Variants in ROBO2 observed in about 807,000 individuals in gnomAD.
ROBO2 encodes roundabout guidance receptor 2, also known as roundabout homolog 2.
In ROBO2, 53 loss-of-function variants were observed where a neutral mutation model predicts 160.8. The observed-to-expected ratio is 0.33, with a 90% confidence interval of 0.26 to 0.41. The LOEUF (loss-of-function observed/expected upper bound fraction) is 0.41. ROBO2 is among the 10% of genes least tolerant of loss of function. ROBO2 has a pLI of 1.00. For synonymous variants in ROBO2, 664 were observed against 611.7 expected (o/e 1.09, Z -1.26); for missense variants, 1,577 against 1,722.4 (o/e 0.92, Z 1.49).
At chr3:76,679,783 A>T (rs766548243) in intron 2 of ROBO2, among the ~76,000 whole-genome samples, 68 of 152,198 alleles carry the variant, frequency 4.5e-4, no homozygotes, top group Non-Finnish European at 1.6e-4. Context: ...CTTGTGCCTT[A>T]CAAAATTAGC....
rs114495059 is a variant in ROBO2, at chr3:77,149,735, A to G, written c.388+51395A>G. ...TAGATGATTGACTTGGTTCCATTCA[A>G]TCTTGTCCCAGATGTGATCTCTATT... On this transcript the variant is annotated intron_variant, in intron 2 of 25. Coordinates refer to ENST00000461745, the Ensembl canonical transcript of ROBO2. Among the ~76,000 whole-genome samples, 583 of 152,010 alleles carry G rather than the reference A, an allele frequency of 3.8e-3. 1 individual carries two copies. The highest frequency in any genetic ancestry group is 9.2e-3 in the Admixed American group (141 of 15,278).
At chr3:77,546,687 G>A (rs764428149) in intron 7 of ROBO2, among the ~76,000 whole-genome samples, 2 of 152,098 alleles carry the variant, frequency 1.3e-5, no homozygotes, top group Non-Finnish European at 2.9e-5. Flanking sequence ...ACATAGAACA[G>A]CAATAAAGCA....
chr3:77,495,615 G>A (rs576441552), intron 5 of ROBO2, among the ~76,000 whole-genome samples: 4 of 152,236 alleles, frequency 2.6e-5, no homozygotes, highest in Non-Finnish European at 5.9e-5. Context: ...GAAGGGAAGT[G>A]CTGGCCAGGT....
intron 2 of ROBO2, among the ~76,000 whole-genome samples, chr3:76,833,754 T>C (rs1576925747): frequency 1.3e-5 from 2 of 152,232 alleles, no homozygotes; most frequent in East Asian, 3.9e-4. Flanking sequence ...TCCTCCTTCC[T>C]CCCTTTACAC....
intron 2 of ROBO2, among the ~76,000 whole-genome samples, chr3:77,312,356 G>T (rs552489181): frequency 1.3e-5 from 2 of 152,148 alleles, no homozygotes; most frequent in East Asian, 3.9e-4. Context: ...ATATATTGTT[G>T]GCAAATGATG....
chr3:76,360,947 G>A (rs1444260478), intron 2 of ROBO2, among the ~76,000 whole-genome samples: 2 of 151,680 alleles, frequency 1.3e-5, no homozygotes, highest in Admixed American at 6.6e-5. Context: ...CCCATATCAG[G>A]TCTTACCTAT....
At chr3:77,451,653 G>C (rs1426381739) in intron 2 of ROBO2, among the ~76,000 whole-genome samples, 1 of 151,992 alleles carries the variant, frequency 6.6e-6, no homozygotes, top group Non-Finnish European at 1.5e-5. Flanking sequence ...AATGTGCAAA[G>C]TCTAGTTCAT....
chr3:76,025,655 T>G (rs2066717971), intron 2 of ROBO2, among the ~76,000 whole-genome samples: 1 of 151,716 alleles, frequency 6.6e-6, no homozygotes, highest in Admixed American at 6.6e-5. Context: ...ATGGAATTAG[T>G]AGTTGTTGGA....
At chr3:76,736,260 C>G (rs1241624953) in intron 2 of ROBO2, among the ~76,000 whole-genome samples, 4 of 64,782 alleles carry the variant, frequency 6.2e-5, no homozygotes, top group East Asian at 3.8e-4. Flanking sequence ...CCAGCCTGGG[C>G]GACAGAGCGA....
intron 2 of ROBO2, among the ~76,000 whole-genome samples, chr3:76,404,167 G>T (rs949172526): frequency 9.9e-5 from 15 of 151,528 alleles, no homozygotes; most frequent in African/African-American, 3.6e-4. Flanking sequence ...ACATCAACTG[G>T]GTTGGGAGAA....
chr3:76,091,009 T>C (rs537229487), intron 2 of ROBO2, among the ~76,000 whole-genome samples: 2 of 152,282 alleles, frequency 1.3e-5, no homozygotes, highest in South Asian at 2.1e-4. Flanking sequence ...TCCTAGAAGA[T>C]AGCATAGGAG....
At chr3:77,345,987 G>A (rs374706619) in intron 2 of ROBO2, among the ~76,000 whole-genome samples, 9 of 152,166 alleles carry the variant, frequency 5.9e-5, no homozygotes, top group South Asian at 2.1e-4. Flanking sequence ...TTCTTTGGCC[G>A]TCATACACTA....
At chr3:77,447,726 C>T (rs566868161) in intron 2 of ROBO2, among the ~76,000 whole-genome samples, 5 of 152,026 alleles carry the variant, frequency 3.3e-5, no homozygotes, top group Non-Finnish European at 2.9e-5. Flanking sequence ...TCTGCTGGTT[C>T]CCAAATCAAC....
At chr3:77,480,999 C>T (rs575830317) in intron 3 of ROBO2, 100 bp from the exon 4 acceptor site, 1 of 1,096,198 alleles carries the variant, frequency 9.1e-7, no homozygotes, top group African/African-American at 1.6e-5. Flanking sequence ...CTTTGGGAAA[C>T]AAATATGCTC....
intron 2 of ROBO2, among the ~76,000 whole-genome samples, chr3:76,593,637 T>G (rs1296182899): frequency 6.6e-6 from 1 of 152,084 alleles, no homozygotes; most frequent in Non-Finnish European, 1.5e-5. Flanking sequence ...TTTAGATATT[T>G]TGATGAATGA....
intron 2 of ROBO2, among the ~76,000 whole-genome samples, chr3:77,330,395 G>A (rs939976168): frequency 2.6e-5 from 4 of 152,166 alleles, no homozygotes; most frequent in African/African-American, 9.7e-5. Flanking sequence ...GCACATGCCG[G>A]TAATCTTAGC....
chr3:77,090,301 T>G (rs2069972968), intron 1 of ROBO2, among the ~76,000 whole-genome samples: 1 of 149,900 alleles, frequency 6.7e-6, no homozygotes, highest in South Asian at 2.1e-4. Flanking sequence ...ATATATGATT[T>G]CTTTTAATCT....
rs1199117365 is a variant in ROBO2, at chr3:77,499,718, G to A, written c.806+6336G>A. On this transcript the variant is annotated intron_variant, in intron 5 of 25. Transcript: ENST00000461745. ...TGCTGGAGTGCAGTGGCACGATCCC[G>A]CCTCACTGCACCCTCCACCTCCCGG... Among the ~76,000 whole-genome samples the A allele has an allele frequency of 7.7e-5, 11 of 142,854 alleles. No homozygotes were observed. In the South Asian group the frequency reaches 1.1e-3, roughly 15 times the overall value. The allele number at this position is 142,854 out of a possible 152,430, so 93.7% of individuals were successfully genotyped here.
chr3:77,633,131 A>T (rs1486283723), intron 23 of ROBO2: 1 of 152,344 alleles, frequency 6.6e-6, no homozygotes, highest in East Asian at 1.9e-4. Flanking sequence ...CGGTCTTACC[A>T]GTTCAAATAG....
Sources: gnomAD v4.1 joint callset for allele counts (sites outside exome capture counted in the v4.1 genomes callset) on GRCh38, gnomAD v4.1.1 for gene constraint, MANE v1.5 for transcripts, NCBI Gene and HGNC (gene_info 2026-07-23, HGNC 2026-07-21) for gene names.